The following CDH13 variants were observed in gnomAD, a reference collection of about 807,000 sequenced individuals.
The protein encoded by CDH13 is cadherin-13.
A neutral mutation model predicts 63.8 loss-of-function variants in CDH13; 24 were observed. The ratio of observed to expected loss-of-function variants is 0.38; its 90% confidence interval spans 0.27 to 0.53. The LOEUF is 0.53. Ranked by LOEUF, CDH13 falls within the 20% of genes least tolerant of loss-of-function variation. The pLI is 0.85. For missense variants in CDH13, 1,049 were observed against 903.1 expected (o/e 1.16, Z -2.07); for synonymous variants, 503 against 355.3 (o/e 1.42, Z -4.67).
chr16:83,277,769 T>C (rs1399796617), intron 5 of CDH13, among the ~76,000 whole-genome samples: 1 of 152,148 alleles, frequency 6.6e-6, no homozygotes, highest in African/African-American at 2.4e-5. Context: ...GAAAATACAG[T>C]TTTTAATTTA....
intron 6 of CDH13, among the ~76,000 whole-genome samples, chr16:83,370,681 A>C (rs2091350945): frequency 6.6e-6 from 1 of 151,998 alleles, no homozygotes; most frequent in Non-Finnish European, 1.5e-5. Context: ...GTTCTTGTGT[A>C]CTCAGTGTTT....
At chr16:82,891,894 G>C (rs1191036126) in intron 2 of CDH13, among the ~76,000 whole-genome samples, 6 of 152,132 alleles carry the variant, frequency 3.9e-5, no homozygotes, top group African/African-American at 1.4e-4. Flanking sequence ...GATACTGCTG[G>C]TCACGTGTCC....
At chr16:83,541,185 G>C (rs545986744) in intron 7 of CDH13, among the ~76,000 whole-genome samples, 3 of 152,092 alleles carry the variant, frequency 2.0e-5, no homozygotes, top group Admixed American at 1.3e-4. Context: ...AAGAAATCTG[G>C]ATGCATCTAA....
intron 8 of CDH13, among the ~76,000 whole-genome samples, chr16:83,666,925 C>T (rs553608683): frequency 1.3e-5 from 2 of 152,142 alleles, no homozygotes; most frequent in African/African-American, 2.4e-5. Flanking sequence ...ATCTGTCTCT[C>T]CTTTCAGCCT....
At chr16:82,917,934 G>T (rs76069506) in intron 2 of CDH13, among the ~76,000 whole-genome samples, 1 of 60,034 alleles carries the variant, frequency 1.7e-5, no homozygotes, top group Non-Finnish European at 4.9e-5. Context: ...AAAAAAAAAG[G>T]CATGTAAAGT....
At chr16:83,181,113 G>C (rs910313929) in intron 4 of CDH13, 2 of 1,061,822 alleles carry the variant, frequency 1.9e-6, no homozygotes, top group South Asian at 1.7e-5. Flanking sequence ...ACATTATTGG[G>C]TATTTGGGAT....
chr16:82,895,824 A>C (rs1199495797), intron 2 of CDH13, among the ~76,000 whole-genome samples: 1 of 152,116 alleles, frequency 6.6e-6, no homozygotes, highest in Non-Finnish European at 1.5e-5. Flanking sequence ...CAGAAATTCC[A>C]AGGTCTCTCC....
At chr16:82,901,469 C>T (rs779186655) in intron 2 of CDH13, among the ~76,000 whole-genome samples, 29 of 151,146 alleles carry the variant, frequency 1.9e-4, no homozygotes, top group African/African-American at 3.4e-4. Context: ...CTGAGATAGC[C>T]GTGTAAAGCT....
intron 1 of CDH13, among the ~76,000 whole-genome samples, chr16:82,689,882 C>G (rs573001788): frequency 6.8e-6 from 1 of 147,814 alleles, no homozygotes; most frequent in African/African-American, 2.5e-5. Flanking sequence ...CAGTGGCTCA[C>G]GCCTATAATC....
intron 1 of CDH13, among the ~76,000 whole-genome samples, chr16:82,804,305 A>ATG (rs1303634590): frequency 7.4e-4 from 111 of 149,294 alleles, no homozygotes; most frequent in African/African-American, 2.4e-3. Context: ...ACACACACAC[A>ATG]CACACACGCA....
chr16:82,770,950 G>A (rs1465888342), intron 1 of CDH13, among the ~76,000 whole-genome samples: 1 of 152,138 alleles, frequency 6.6e-6, no homozygotes, highest in Non-Finnish European at 1.5e-5. Context: ...TCTGAGCTCA[G>A]GCAATCCCCC....
chr16:83,780,921 G>T (rs990177815), intron 12 of CDH13, among the ~76,000 whole-genome samples: 1 of 152,162 alleles, frequency 6.6e-6, no homozygotes, highest in African/African-American at 2.4e-5. Context: ...TGGTGTACCT[G>T]CTGTCATAAA....
In CDH13 at chr16:83,052,242, A is replaced by G. The variant is rs563730266; in HGVS notation, c.366+20024A>G. 8.3e-4 allele frequency among the ~76,000 whole-genome samples: 127 copies of G among 152,322 alleles called. 1 individual carries two copies. Among genetic ancestry groups the G allele is most frequent in the South Asian group, 6.8e-3 (33 of 4,832 alleles). On this transcript the variant is annotated intron_variant, in intron 3 of 13. Coordinates refer to ENST00000567109, the MANE Select transcript of CDH13 (RefSeq NM_001257.5). ...CTAATGATACATTATTTTCTGTTAT[A>G]AAACTTCAAGGTTTTTGAATGCATT... is the stretch of plus-strand genomic sequence containing the variant.
chr16:83,763,090 C>T (rs562908354), intron 11 of CDH13, among the ~76,000 whole-genome samples: 6 of 152,164 alleles, frequency 3.9e-5, no homozygotes, highest in African/African-American at 7.2e-5. Flanking sequence ...TTTAAAAGAA[C>T]GGGGGAGTGA....
chr16:83,328,861 C>T (rs2090424824), intron 5 of CDH13, among the ~76,000 whole-genome samples: 1 of 151,950 alleles, frequency 6.6e-6, no homozygotes, highest in Non-Finnish European at 1.5e-5. Context: ...TGTACCTGAT[C>T]CAAGGGGAAA....
chr16:82,775,638 C>G (rs531207116), intron 1 of CDH13, among the ~76,000 whole-genome samples: 18 of 152,286 alleles, frequency 1.2e-4, no homozygotes, highest in African/African-American at 3.4e-4. Flanking sequence ...GTACCCAGGC[C>G]TCTCTAACTG....
intron 1 of CDH13, among the ~76,000 whole-genome samples, chr16:82,787,457 G>A (rs1597580251): frequency 6.6e-6 from 1 of 152,332 alleles, no homozygotes; most frequent in Middle Eastern, 3.4e-3. Flanking sequence ...ACTGATACCA[G>A]ATAGTAGAGA....
intron 6 of CDH13, among the ~76,000 whole-genome samples, chr16:83,426,761 C>A (rs1483397646): frequency 1.3e-5 from 2 of 151,996 alleles, no homozygotes; most frequent in Non-Finnish European, 2.9e-5. Context: ...TGAGCCCCTC[C>A]CACTTGTCCT....
intron 10 of CDH13, among the ~76,000 whole-genome samples, chr16:83,711,979 G>C (rs562622625): frequency 2.0e-5 from 3 of 152,210 alleles, no homozygotes; most frequent in Non-Finnish European, 4.4e-5. Context: ...GGTTCCTTCT[G>C]AGGCCTCTCT....
Sources: allele counts gnomAD v4.1 joint callset (sites outside exome capture counted in the v4.1 genomes callset), GRCh38; gene constraint gnomAD v4.1.1; transcripts MANE v1.5; gene names NCBI Gene and HGNC (gene_info 2026-07-23, HGNC 2026-07-21).